Variants in RFX7 observed in about 807,000 individuals in gnomAD.
RFX7 encodes DNA-binding protein RFX7.
In RFX7, 26 loss-of-function variants were observed where a neutral mutation model predicts 111.8. The observed-to-expected ratio is 0.23, with a 90% CI of 0.17 to 0.32. The LOEUF (loss-of-function observed/expected upper bound fraction) is 0.32, where lower values mean the gene tolerates loss of function less well. Ranked by LOEUF, RFX7 falls within the 10% of genes least tolerant of loss-of-function variation. The pLI is 1.00. For missense variants in RFX7, 1,573 were observed against 1,772.9 expected (o/e 0.89, Z 2.02); for synonymous variants, 624 against 624.4 (o/e 1.00, Z 0.01).
chr15:56,198,935 A>G (rs2141177222), intron 2 of RFX7, among the ~76,000 whole-genome samples: 1 of 152,124 alleles, frequency 6.6e-6, no homozygotes. Context: ...CCAAGATGGA[A>G]GGATCACTTG....
At chr15:56,134,290 A>C (rs1282060351) in intron 5 of RFX7, among the ~76,000 whole-genome samples, 1 of 152,150 alleles carries the variant, frequency 6.6e-6, no homozygotes, top group Non-Finnish European at 1.5e-5. Context: ...TTACAACACA[A>C]ATTTTATTAT....
intron 5 of RFX7, among the ~76,000 whole-genome samples, chr15:56,109,651 G>A (rs1174014974): frequency 6.6e-6 from 1 of 151,786 alleles, no homozygotes; most frequent in Admixed American, 6.6e-5. Flanking sequence ...GAGCGTCTCT[G>A]TCCGGCCGCC....
At chr15:56,136,208 G>A (rs2042300368) in intron 5 of RFX7, among the ~76,000 whole-genome samples, 1 of 150,522 alleles carries the variant, frequency 6.6e-6, no homozygotes, top group East Asian at 2.0e-4. Context: ...ACCTTGGGCA[G>A]TATGGCCATT....
At chr15:56,142,651 G>A in intron 5 of RFX7, 127 bp downstream of exon 5, 1 of 804,610 alleles carries the variant, frequency 1.2e-6, no homozygotes, top group Admixed American at 3.0e-5. Flanking sequence ...TGAATCTTAA[G>A]AGATTTCTAA....
Position 56,142,851 on chromosome 15 carries a change from A to T in RFX7, c.328T>A (p.Ser110Thr), listed in dbSNP as rs1229761538. Reference sequence around the variant, plus strand: ...TCCTCTAGGGTATTCCGAATCCAGGAAAAGGCATGCATTTGTTGTGCCCGA... The same window carrying T: ...TCCTCTAGGGTATTCCGAATCCAGGTAAAGGCATGCATTTGTTGTGCCCGA... ...SSRAQQMHAF[S>T]WIRNTLEEHP... Residue 110 changes from serine to threonine, a missense_variant, in exon 5 of 10, where the codon TCC becomes ACC. Physicochemically the swap from Ser to Thr is moderately conservative, Grantham distance 58 (BLOSUM62 1). Coordinates refer to ENST00000559447, the MANE Select transcript of RFX7 (RefSeq NM_022841.7). 6 of 1,613,448 alleles carry T rather than the reference A, an allele frequency of 3.7e-6. No homozygotes were observed. In the East Asian group the frequency reaches 1.3e-4, roughly 36 times the overall value.
At chr15:56,151,525 T>C (rs2042568657) in intron 3 of RFX7, among the ~76,000 whole-genome samples, 1 of 152,150 alleles carries the variant, frequency 6.6e-6, no homozygotes, top group Non-Finnish European at 1.5e-5. Context: ...ATTCTGTCAC[T>C]GCCAGACCTG....
chr15:56,189,830 C>T (rs1398902732), intron 2 of RFX7: 2 of 152,160 alleles, frequency 1.3e-5, no homozygotes, highest in African/African-American at 2.4e-5. Flanking sequence ...TAGACATAAA[C>T]CTACCATAAG....
chr15:56,116,647 C>T (rs1488605657), intron 5 of RFX7, among the ~76,000 whole-genome samples: 1 of 151,946 alleles, frequency 6.6e-6, no homozygotes, highest in Non-Finnish European at 1.5e-5. Context: ...CCAGTTGGCC[C>T]AAGAACATAT....
chr15:56,214,511 C>T lies in RFX7; in HGVS notation c.161+28614G>A, dbSNP rs560234709. Among the ~76,000 whole-genome samples, 114 of 151,252 alleles carry T rather than the reference C, an allele frequency of 7.5e-4. 1 individual carries two copies. Among genetic ancestry groups the T allele is most frequent in the Middle Eastern group, 6.8e-3 (2 of 292 alleles). ...TGGGCGGATCACGAGGTCAGGAGATCGAGACCATCCTGGTTAACATGGTGA... is the reference window on the plus strand; with the variant it reads ...TGGGCGGATCACGAGGTCAGGAGATTGAGACCATCCTGGTTAACATGGTGA... On this transcript the variant is annotated intron_variant, in intron 2 of 9. Transcript: ENST00000559447.
At chr15:56,170,942 A>T (rs1159102407) in intron 3 of RFX7, among the ~76,000 whole-genome samples, 1 of 152,174 alleles carries the variant, frequency 6.6e-6, no homozygotes, top group Non-Finnish European at 1.5e-5. Flanking sequence ...AATCTTCCAC[A>T]CCATAAGGCA....
rs2041609101 is a variant in RFX7 at position 56,092,521 on chromosome 15, TAACA to T, written c.*820_*823del. 6.6e-6 allele frequency: 1 copy of T among 152,194 alleles called. No individual in the cohort carries two copies. Among genetic ancestry groups the T allele is most frequent in the African/African-American group, 2.4e-5 (1 of 41,448 alleles). The allele number at this position is 152,194 out of a possible 1,614,324, so 9.4% of individuals were successfully genotyped here. A position where few individuals can be genotyped will look rare whatever the true frequency, so the allele number is the denominator to read the frequency against. On this transcript the variant is annotated 3_prime_UTR_variant, in exon 10 of 10. Transcript: ENST00000559447. ...TGTTTTCCTTCTCATTCCCCTAACT[TAACA>T]AATAATAAGACATAAAGCATTTTTC...
chr15:56,183,081 T>C (rs2042993645), intron 2 of RFX7, among the ~76,000 whole-genome samples: 1 of 152,098 alleles, frequency 6.6e-6, no homozygotes, highest in Non-Finnish European at 1.5e-5. Context: ...TTTAAAAAAT[T>C]GTCTTTTCCT....
rs2041580731 is a variant in RFX7, at chr15:56,090,266, T to C, written c.*3079A>G. 6.6e-6 allele frequency: 1 copy of C among 152,220 alleles called. No homozygotes were observed. Among genetic ancestry groups the C allele is most frequent in the African/African-American group, 2.4e-5 (1 of 41,464 alleles). 9.4% of individuals were successfully genotyped at this position (152,220 alleles called of 1,614,324 possible). A position where few individuals can be genotyped will look rare whatever the true frequency, so the allele number is the denominator to read the frequency against. ...AAACACTATGTGAAAGAGAAAAAGA[T>C]GGCTTTTTGGACAACATAAAGTTCT... On this transcript the variant is annotated 3_prime_UTR_variant, in exon 10 of 10. Coordinates refer to ENST00000559447, the MANE Select transcript of RFX7 (RefSeq NM_022841.7).
chr15:56,228,978 A>G (rs2043517970), intron 2 of RFX7, among the ~76,000 whole-genome samples: 3 of 152,254 alleles, frequency 2.0e-5, no homozygotes, highest in African/African-American at 7.2e-5. Context: ...TATAATACAT[A>G]GTAAAATAAG....
intron 2 of RFX7, among the ~76,000 whole-genome samples, chr15:56,188,271 AT>A (rs1423171162): frequency 6.6e-6 from 1 of 152,176 alleles, no homozygotes; most frequent in Non-Finnish European, 1.5e-5. Context: ...TGAAGAAAAG[AT>A]TTTTTAAAAA....
At chr15:56,198,363 G>A (rs2043165002) in intron 2 of RFX7, among the ~76,000 whole-genome samples, 1 of 152,136 alleles carries the variant, frequency 6.6e-6, no homozygotes, top group South Asian at 2.1e-4. Flanking sequence ...CTAGAGCAAC[G>A]TATGTCTAGT....
At chr15:56,163,651 A>C (rs1227591706) in intron 3 of RFX7, among the ~76,000 whole-genome samples, 2 of 152,188 alleles carry the variant, frequency 1.3e-5, no homozygotes, top group Non-Finnish European at 2.9e-5. Context: ...AGAGTAATCA[A>C]GGATGGTCTC....
chr15:56,131,353 C>T (rs1403454753), intron 5 of RFX7, among the ~76,000 whole-genome samples: 1 of 101,400 alleles, frequency 9.9e-6, no homozygotes, highest in African/African-American at 3.6e-5. Context: ...CTGCCGCCTC[C>T]ACCTCCTGAG....
At chr15:56,236,497 G>C (rs564740290) in intron 2 of RFX7, among the ~76,000 whole-genome samples, 1 of 152,218 alleles carries the variant, frequency 6.6e-6, no homozygotes, top group East Asian at 1.9e-4. Flanking sequence ...GGTAGAATAG[G>C]AGGCACTGGA....
Sources: gnomAD v4.1 joint callset for allele counts (sites outside exome capture counted in the v4.1 genomes callset) on GRCh38, gnomAD v4.1.1 for gene constraint, MANE v1.5 for transcripts, NCBI Gene and HGNC (gene_info 2026-07-23, HGNC 2026-07-21) for gene names.